The following BLTP3A variants were observed in gnomAD, a reference collection of about 807,000 sequenced individuals.
BLTP3A encodes the protein ICBP90 binding protein 1.
chr6:34,813,326 TAG>T, the BLTP3A span, among the ~76,000 whole-genome samples: 1 of 152,234 alleles, frequency 6.6e-6, no homozygotes, highest in East Asian at 1.9e-4. Flanking sequence ...TTGGCAAATG[TAG>T]ATTTGGACTA....
At chr6:34,870,825 A>C in the BLTP3A span, 11 of 1,608,538 alleles carry the variant, frequency 6.8e-6, 1 homozygote, top group African/African-American at 6.7e-5. Context: ...GCCGTTAATT[A>C]GTTGTCTTCC....
the BLTP3A span, among the ~76,000 whole-genome samples, chr6:34,847,733 AAAAC>A: frequency 6.8e-6 from 1 of 147,832 alleles, no homozygotes; most frequent in African/African-American, 2.5e-5. Flanking sequence ...TCTTTTCAAA[AAAAC>A]TTTTCCTTTT....
the BLTP3A span, chr6:34,870,788 T>A: frequency 4.5e-6 from 7 of 1,550,790 alleles, no homozygotes; most frequent in Non-Finnish European, 6.1e-6. Flanking sequence ...TGAATATTGG[T>A]ATATAAGGTG....
the BLTP3A span, among the ~76,000 whole-genome samples, chr6:34,817,492 AAC>A: frequency 0.15 from 22,123 of 152,108 alleles, 1,945 homozygotes; most frequent in African/African-American, 0.25. Context: ...ATGCTGGGGG[AAC>A]ACACAAGACT....
chr6:34,852,488 G>T, the BLTP3A span, among the ~76,000 whole-genome samples: 1 of 152,090 alleles, frequency 6.6e-6, no homozygotes, highest in Non-Finnish European at 1.5e-5. Flanking sequence ...TTCTACCATA[G>T]TTGAGCTGGT....
At chr6:34,829,897 C>T in the BLTP3A span, among the ~76,000 whole-genome samples, 3 of 152,138 alleles carry the variant, frequency 2.0e-5, no homozygotes, top group African/African-American at 7.2e-5. Flanking sequence ...CTCCACCTCC[C>T]AGGTTCAAGT....
chr6:34,856,404 A>G, the BLTP3A span: 1 of 1,613,938 alleles, frequency 6.2e-7, no homozygotes, highest in Non-Finnish European at 8.5e-7. Flanking sequence ...TTTCGGAGAA[A>G]AGCAGGTGGG....
chr6:34,797,653 A>G, the BLTP3A span, among the ~76,000 whole-genome samples: 1 of 152,208 alleles, frequency 6.6e-6, no homozygotes, highest in East Asian at 1.9e-4. Flanking sequence ...TAATAGTTAA[A>G]TCCTATGTTT....
chr6:34,834,909 G>C, the BLTP3A span: 5 of 1,589,546 alleles, frequency 3.1e-6, no homozygotes, highest in Admixed American at 9.2e-5. Flanking sequence ...CTTATTCTAT[G>C]AGACAGCCTG....
the BLTP3A span, among the ~76,000 whole-genome samples, chr6:34,804,597 C>T: frequency 6.6e-6 from 1 of 152,076 alleles, no homozygotes; most frequent in African/African-American, 2.4e-5. Flanking sequence ...GGTTCTGTAT[C>T]ACTTGAATGT....
the BLTP3A span, chr6:34,859,055 G>A: frequency 6.2e-7 from 1 of 1,614,182 alleles, no homozygotes; most frequent in South Asian, 1.1e-5. Flanking sequence ...GGCTCAGATA[G>A]CACTAGCCTC....
chr6:34,794,485 C>T, the BLTP3A span, among the ~76,000 whole-genome samples: 1 of 152,282 alleles, frequency 6.6e-6, no homozygotes, highest in Admixed American at 6.5e-5. Context: ...AAGCTATAGA[C>T]CTTATCTCCG....
At chr6:34,798,728 A>G in the BLTP3A span, among the ~76,000 whole-genome samples, 2 of 151,856 alleles carry the variant, frequency 1.3e-5, no homozygotes, top group Non-Finnish European at 2.9e-5. Flanking sequence ...TGAAAGCATA[A>G]GATCTTTTTT....
At chr6:34,850,500 C>CT in the BLTP3A span, among the ~76,000 whole-genome samples, 1 of 152,086 alleles carries the variant, frequency 6.6e-6, no homozygotes, top group Admixed American at 6.5e-5. Flanking sequence ...TAGATTTGCC[C>CT]TTTTGAGGCT....
At chr6:34,827,098 G>A in the BLTP3A span, among the ~76,000 whole-genome samples, 1 of 152,144 alleles carries the variant, frequency 6.6e-6, no homozygotes, top group African/African-American at 2.4e-5. Flanking sequence ...GGATCACGAG[G>A]TCAGGAGATC....
the BLTP3A span, chr6:34,856,376 C>T: frequency 6.2e-7 from 1 of 1,614,130 alleles, no homozygotes; most frequent in East Asian, 2.2e-5. Flanking sequence ...ACCCTGGCAC[C>T]TTGGAGTAGA....
the BLTP3A span, chr6:34,855,944 G>A: frequency 1.0e-6 from 1 of 981,638 alleles, no homozygotes; most frequent in African/African-American, 1.7e-5. Flanking sequence ...CTGAGATATT[G>A]CTTTTGATTC....
At chr6:34,858,435 C>G in the BLTP3A span, 2 of 1,614,202 alleles carry the variant, frequency 1.2e-6, no homozygotes, top group Non-Finnish European at 1.7e-6. Flanking sequence ...CCTGGGATCT[C>G]TGGTCTGTCC....
the BLTP3A span, chr6:34,836,170 C>T: frequency 0.35 from 563,443 of 1,613,658 alleles, 104,969 homozygotes; most frequent in African/African-American, 0.7. Flanking sequence ...CTCCACCAGC[C>T]CCCAGTGCCC....
Sources: gnomAD v4.1 joint callset for allele counts (sites outside exome capture counted in the v4.1 genomes callset) on GRCh38, gnomAD v4.1.1 for gene constraint, MANE v1.5 for transcripts, NCBI Gene and HGNC (gene_info 2026-07-23, HGNC 2026-07-21) for gene names.